The following AR variants were observed in gnomAD, a reference collection of about 807,000 sequenced individuals.
The protein encoded by AR is dihydrotestosterone receptor.
Under a neutral mutation model 53.9 loss-of-function variants are expected in AR, and 8 were observed. The ratio of observed to expected loss-of-function variants is 0.15; its 90% CI spans 0.09 to 0.27. AR has a LOEUF of 0.27. AR is among the 10% of genes least tolerant of loss of function. AR has a pLI of 1.00. For missense variants in AR, 639 were observed against 742.5 expected (o/e 0.86, Z 1.62); for synonymous variants, 359 against 316.4 (o/e 1.13, Z -1.43).
chrX:67,629,286 A>T (rs1156911635), intron 1 of AR, among the ~76,000 whole-genome samples: 1 of 108,165 alleles, frequency 9.2e-6, no homozygotes. Context: ...TTTGGTTGGT[A>T]AGCTATTGAT....
At position 67,578,273 on chromosome X, in the gene AR, C is replaced by G. The variant is rs148344338; in HGVS notation, c.1616+31511C>G. ...GCTTTATTCAGATTGGCATATCCAT[C>G]TTAATATGGTTCAATTGGCTGAAGA... On this transcript the variant is annotated intron_variant, in intron 1 of 7. Transcript: ENST00000374690. Among the ~76,000 whole-genome samples the G allele has an allele frequency of 2.8e-4, 31 of 111,404 alleles. No homozygotes were observed. The East Asian group carries it at 8.8e-3, about 32-fold the overall frequency.
chrX:67,641,374 C>T (rs1246614674), intron 1 of AR, among the ~76,000 whole-genome samples: 1 of 111,688 alleles, frequency 9.0e-6, no homozygotes, highest in Admixed American at 9.5e-5. Context: ...TCTATTTGGA[C>T]AGTTTGTGTT....
intron 3 of AR, among the ~76,000 whole-genome samples, chrX:67,689,930 T>C (rs1368030249): frequency 8.9e-6 from 1 of 111,828 alleles, no homozygotes; most frequent in Non-Finnish European, 1.9e-5. Context: ...AGAAGTGCCC[T>C]TCCTGCCATC....
At chrX:67,671,734 C>A (rs2075866743) in intron 2 of AR, among the ~76,000 whole-genome samples, 1 of 112,123 alleles carries the variant, frequency 8.9e-6, no homozygotes. Flanking sequence ...GGTTTTAGGT[C>A]TTGCATTTAA....
chrX:67,695,368 A>C, intron 3 of AR: 1 of 751,798 alleles, frequency 1.3e-6, no homozygotes, highest in Non-Finnish European at 1.6e-6. Context: ...CTTCTCCAGG[A>C]GAAGAAGCCA....
At chrX:67,676,064 C>T (rs2075898106) in intron 2 of AR, among the ~76,000 whole-genome samples, 2 of 112,009 alleles carry the variant, frequency 1.8e-5, no homozygotes, top group African/African-American at 6.5e-5. Flanking sequence ...GGTGATAATG[C>T]TTTTGAAAAC....
At position 67,725,417 on chromosome X, in the gene AR, C is replaced by T. The variant is rs763346393; in HGVS notation, c.*1576C>T. 81 of 174,111 alleles carry T rather than the reference C, an allele frequency of 4.7e-4. No homozygotes were observed. The highest frequency in any genetic ancestry group is 6.6e-4 in the Non-Finnish European group (60 of 91,464). 14.3% of individuals were successfully genotyped at this position (174,111 alleles called of 1,213,427 possible). Reference sequence around the variant, plus strand: ...GAAGTTCTCACTTCCTTCTTTAGAGCAGCTAAAGGGGCTACCCAGATCAGG... The same window carrying T: ...GAAGTTCTCACTTCCTTCTTTAGAGTAGCTAAAGGGGCTACCCAGATCAGG... On this transcript the variant is annotated 3_prime_UTR_variant, in exon 8 of 8. Coordinates refer to ENST00000374690, the MANE Select transcript of AR (RefSeq NM_000044.6).
rs149011795 is a variant in AR at position 67,689,849 on chromosome X, A to C, written c.1885+3723A>C. 1,001 of 441,117 alleles carry C rather than the reference A, an allele frequency of 2.3e-3. 10 individuals carry two copies. In the African/African-American group the frequency reaches 0.026, roughly 11 times the overall value. The allele number at this position is 441,117 out of a possible 1,213,427, so 36.4% of individuals were successfully genotyped here. A position where few individuals can be genotyped will look rare whatever the true frequency, so the allele number is the denominator to read the frequency against. ...ACAGTCCATAGTTAGGATAAATGTA[A>C]AGCCATTTCTCATTTTTCTCCGCAC... On this transcript the variant is annotated intron_variant, in intron 3 of 7. Transcript: ENST00000374690.
chrX:67,682,428 G>A (rs1817667986), intron 2 of AR, among the ~76,000 whole-genome samples: 1 of 109,939 alleles, frequency 9.1e-6, no homozygotes, highest in African/African-American at 3.3e-5. Flanking sequence ...GGGAGTACAG[G>A]TGCACACCAC....
rs372872310 is a variant in AR, at chrX:67,653,157, T to C, written c.1768+9750T>C. ...GGGATAAGAGACATGAAATAACAGCTAAAATTGTTTATTGAGCAGTCAGTA... is the reference window on the plus strand; with the variant it reads ...GGGATAAGAGACATGAAATAACAGCCAAAATTGTTTATTGAGCAGTCAGTA... On this transcript the variant is annotated intron_variant, in intron 2 of 7. Transcript: ENST00000374690. Among the ~76,000 whole-genome samples the C allele has an allele frequency of 2.7e-4, 30 of 112,195 alleles. No homozygotes were observed. In the East Asian group the frequency reaches 5.6e-3, roughly 21 times the overall value.
chrX:67,627,533 C>T (rs1320402938), intron 1 of AR, among the ~76,000 whole-genome samples: 10 of 110,947 alleles, frequency 9.0e-5, no homozygotes, highest in Non-Finnish European at 1.7e-4. Context: ...GGATATTAGC[C>T]CTTTGTCAGA....
intron 4 of AR, among the ~76,000 whole-genome samples, chrX:67,713,874 T>C (rs1056911396): frequency 2.7e-5 from 3 of 111,853 alleles, no homozygotes; most frequent in African/African-American, 9.8e-5. Flanking sequence ...TGACCCCAAG[T>C]CTTTTAAAAG....
intron 2 of AR, among the ~76,000 whole-genome samples, chrX:67,659,965 GTGA>G (rs1258484828): frequency 1.4e-4 from 16 of 112,137 alleles, no homozygotes. Flanking sequence ...CTGATGGCCA[GTGA>G]TGATGAGCAT....
chrX:67,635,565 A>G (rs904763102), intron 1 of AR, among the ~76,000 whole-genome samples: 3 of 111,034 alleles, frequency 2.7e-5, no homozygotes, highest in African/African-American at 9.8e-5. Context: ...GAGAGGAGAT[A>G]AAAAGGAAAG....
chrX:67,608,282 C>G (rs1259258757), intron 1 of AR, among the ~76,000 whole-genome samples: 1 of 111,934 alleles, frequency 8.9e-6, no homozygotes, highest in African/African-American at 3.2e-5. Flanking sequence ...CCTCTAAATT[C>G]CAACATAAAG....
chrX:67,708,535 G>A (rs1313001126), intron 3 of AR, among the ~76,000 whole-genome samples: 1 of 111,325 alleles, frequency 9.0e-6, no homozygotes, highest in Non-Finnish European at 1.9e-5. Flanking sequence ...ATTCTAGTTA[G>A]CCATTCGTCT....
chrX:67,574,794 A>G (rs1169152337), intron 1 of AR, among the ~76,000 whole-genome samples: 1 of 111,593 alleles, frequency 9.0e-6, no homozygotes. Context: ...AGGTGTGGCA[A>G]CTGCTGGGAA....
At chrX:67,561,936 T>C (rs1395944876) in intron 1 of AR, among the ~76,000 whole-genome samples, 1 of 87,496 alleles carries the variant, frequency 1.1e-5, no homozygotes, top group Non-Finnish European at 2.3e-5. Flanking sequence ...AGGTTTTTTT[T>C]TTTTTTTTTT....
At chrX:67,619,190 G>A (rs911147357) in intron 1 of AR, among the ~76,000 whole-genome samples, 5 of 111,394 alleles carry the variant, frequency 4.5e-5, no homozygotes, top group African/African-American at 1.6e-4. Context: ...ATGGAGAGGA[G>A]CCACAGAAGC....
Sources: gnomAD v4.1 joint callset for allele counts (sites outside exome capture counted in the v4.1 genomes callset) on GRCh38, gnomAD v4.1.1 for gene constraint, MANE v1.5 for transcripts, NCBI Gene and HGNC (gene_info 2026-07-23, HGNC 2026-07-21) for gene names.